Variants in CNTNAP2 observed in about 807,000 individuals in gnomAD.
CNTNAP2 encodes contactin associated protein 2.
CNTNAP2 carries 98 observed loss-of-function variants against 155.2 expected under a neutral mutation model. The observed-to-expected ratio is 0.63, with a 90% confidence interval of 0.54 to 0.75. The LOEUF is 0.75. Among genes scored for constraint, CNTNAP2 ranks in the 30% least tolerant of loss-of-function variants. The pLI, the probability that CNTNAP2 is intolerant of heterozygous loss-of-function variation, is 0.00. For synonymous variants in CNTNAP2, 651 were observed against 631.2 expected (o/e 1.03, Z -0.47); for missense variants, 1,727 against 1,688.1 (o/e 1.02, Z -0.40).
At chr7:148,112,182 G>A (rs977654087) in intron 15 of CNTNAP2, among the ~76,000 whole-genome samples, 1 of 152,080 alleles carries the variant, frequency 6.6e-6, no homozygotes, top group African/African-American at 2.4e-5. Flanking sequence ...AGAATCTGGA[G>A]AGAATTCGTG....
intron 13 of CNTNAP2, among the ~76,000 whole-genome samples, chr7:147,833,589 G>T (rs191662495): frequency 1.3e-5 from 2 of 152,276 alleles, no homozygotes; most frequent in Admixed American, 6.5e-5. Flanking sequence ...CTCCAGGCAG[G>T]TCAGAAACTC....
intron 2 of CNTNAP2, among the ~76,000 whole-genome samples, chr7:146,820,764 G>T (rs1460166011): frequency 2.0e-5 from 3 of 152,054 alleles, no homozygotes; most frequent in Non-Finnish European, 2.9e-5. Context: ...TTGACAGTGG[G>T]GTGTTAAAGT....
intron 12 of CNTNAP2, among the ~76,000 whole-genome samples, chr7:147,579,914 T>C (rs775369795): frequency 3.9e-5 from 6 of 152,224 alleles, no homozygotes; most frequent in African/African-American, 7.2e-5. Flanking sequence ...TCTCCAAAAC[T>C]ATTAACTTGT....
intron 20 of CNTNAP2, among the ~76,000 whole-genome samples, chr7:148,254,675 C>T (rs1213951224): frequency 1.3e-5 from 2 of 150,564 alleles, no homozygotes; most frequent in African/African-American, 4.9e-5. Context: ...ACTCAGGAGG[C>T]TGAGGCAGGA....
At chr7:146,395,799 A>AGATT (rs1326575838) in intron 1 of CNTNAP2, among the ~76,000 whole-genome samples, 1 of 143,686 alleles carries the variant, frequency 7.0e-6, no homozygotes, top group Non-Finnish European at 1.5e-5. Flanking sequence ...ATAGATAGAT[A>AGATT]GATAGATAGA....
intron 9 of CNTNAP2, among the ~76,000 whole-genome samples, chr7:147,351,755 A>G (rs1795971304): frequency 6.6e-6 from 1 of 151,984 alleles, no homozygotes; most frequent in East Asian, 1.9e-4. Flanking sequence ...GTGTTCTATC[A>G]CAAAGAATTA....
chr7:148,141,572 G>A (rs1805071996), intron 16 of CNTNAP2, among the ~76,000 whole-genome samples: 1 of 152,106 alleles, frequency 6.6e-6, no homozygotes. Flanking sequence ...TTCACAAATT[G>A]GTATCTACTG....
chr7:147,747,676 A>G (rs140380040), intron 13 of CNTNAP2, among the ~76,000 whole-genome samples: 87 of 152,078 alleles, frequency 5.7e-4, no homozygotes, highest in African/African-American at 2.0e-3. Flanking sequence ...CTTCCATTCT[A>G]TTTTCCATAA....
At chr7:147,958,570 C>T (rs1801064029) in intron 14 of CNTNAP2, among the ~76,000 whole-genome samples, 1 of 152,146 alleles carries the variant, frequency 6.6e-6, no homozygotes, top group Non-Finnish European at 1.5e-5. Flanking sequence ...TTTTCTTCTT[C>T]ATGGGAGTGG....
intron 4 of CNTNAP2, among the ~76,000 whole-genome samples, chr7:147,048,433 C>T (rs562444821): frequency 1.3e-5 from 2 of 152,278 alleles, no homozygotes; most frequent in East Asian, 3.9e-4. Context: ...TGCTTTGGAA[C>T]TTCTGACCTC....
chr7:147,368,102 A>T (rs1796274539), intron 9 of CNTNAP2, among the ~76,000 whole-genome samples: 1 of 103,162 alleles, frequency 9.7e-6, no homozygotes, highest in Non-Finnish European at 1.9e-5. Flanking sequence ...TCTGTCACAC[A>T]CACACACACA....
intron 3 of CNTNAP2, among the ~76,000 whole-genome samples, chr7:146,852,313 A>G (rs551038772): frequency 7.2e-5 from 11 of 152,312 alleles, no homozygotes; most frequent in African/African-American, 2.6e-4. Flanking sequence ...AGAGTTGTGC[A>G]TCAACCTTCA....
intron 1 of CNTNAP2, among the ~76,000 whole-genome samples, chr7:146,617,222 G>A (rs892145579): frequency 6.6e-6 from 1 of 152,178 alleles, no homozygotes; most frequent in East Asian, 1.9e-4. Flanking sequence ...AAGTCATCTA[G>A]CTCTGGAGGA....
chr7:146,143,812 G>A (rs1167546684), intron 1 of CNTNAP2, among the ~76,000 whole-genome samples: 1 of 151,884 alleles, frequency 6.6e-6, no homozygotes, highest in Non-Finnish European at 1.5e-5. Context: ...ACCCAGGCTG[G>A]AGTACAGTGG....
chr7:148,364,674 A>G (rs537984584), intron 21 of CNTNAP2, among the ~76,000 whole-genome samples: 8 of 152,288 alleles, frequency 5.3e-5, no homozygotes, highest in East Asian at 3.9e-4. Flanking sequence ...GAACCTTTGT[A>G]TCTAGCTCAG....
intron 11 of CNTNAP2, among the ~76,000 whole-genome samples, chr7:147,560,190 A>AAAAAAAAAAAAAAAAAAAAAAAAC (rs1800034580): frequency 6.6e-6 from 1 of 150,446 alleles, no homozygotes; most frequent in African/African-American, 2.5e-5. Flanking sequence ...AAAAAAAAAA[A>AAAAAAAAAAAAAAAAAAAAAAAAC]ATTGAATCAG....
intron 2 of CNTNAP2, among the ~76,000 whole-genome samples, chr7:146,828,138 C>G (rs535066468): frequency 5.9e-5 from 9 of 151,998 alleles, no homozygotes; most frequent in African/African-American, 2.2e-4. Flanking sequence ...ACGTGCTCTA[C>G]AAATATTTGC....
At chr7:146,379,075 G>A (rs140085124) in intron 1 of CNTNAP2, among the ~76,000 whole-genome samples, 207 of 152,344 alleles carry the variant, frequency 1.4e-3, no homozygotes, top group African/African-American at 4.6e-3. Flanking sequence ...GGCACAGTGT[G>A]TGTGGGGCCT....
At chr7:147,719,659 T>G (rs536406276) in intron 13 of CNTNAP2, among the ~76,000 whole-genome samples, 23 of 152,196 alleles carry the variant, frequency 1.5e-4, no homozygotes, top group Non-Finnish European at 2.6e-4. Flanking sequence ...GTATGAAATT[T>G]CAACACAACT....
Sources: gnomAD v4.1 joint callset for allele counts (sites outside exome capture counted in the v4.1 genomes callset) on GRCh38, gnomAD v4.1.1 for gene constraint, MANE v1.5 for transcripts, NCBI Gene and HGNC (gene_info 2026-07-23, HGNC 2026-07-21) for gene names.